The following TANGO6 variants were observed in gnomAD, a reference collection of about 807,000 sequenced individuals.
TANGO6 encodes the protein transport and Golgi organization protein 6 homolog.
TANGO6 carries 90 observed loss-of-function variants against 114.2 expected under a neutral mutation model. That is an observed-to-expected ratio of 0.79 (90% CI 0.66 to 0.94). TANGO6 has a LOEUF of 0.94. Ranked by LOEUF, TANGO6 falls within the 40% of genes least tolerant of loss-of-function variation. TANGO6 has a pLI of 0.00. For missense variants in TANGO6, 1,274 were observed against 1,315.3 expected (o/e 0.97, Z 0.49); for synonymous variants, 477 against 509.8 (o/e 0.94, Z 0.87).
intron 11 of TANGO6, among the ~76,000 whole-genome samples, chr16:68,915,035 G>T (rs1350206728): frequency 6.6e-6 from 1 of 150,690 alleles, no homozygotes; most frequent in Non-Finnish European, 1.5e-5. Context: ...AGTGGCTTAT[G>T]CTTGTTATCC....
chr16:68,997,235 C>A (rs1195720597), intron 15 of TANGO6, among the ~76,000 whole-genome samples: 3 of 152,072 alleles, frequency 2.0e-5, no homozygotes, highest in African/African-American at 7.2e-5. Context: ...AAGAGTGAGC[C>A]AACAGAGTAA....
intron 15 of TANGO6, among the ~76,000 whole-genome samples, 187 bp from the exon 16 acceptor site, chr16:69,022,641 C>A (rs1959427245): frequency 6.6e-6 from 1 of 151,860 alleles, no homozygotes; most frequent in African/African-American, 2.4e-5. Context: ...GAGGTCAAGG[C>A]TGCAGTGAGC....
chr16:68,955,351 T>C (rs1240809314), intron 14 of TANGO6, among the ~76,000 whole-genome samples: 2 of 152,200 alleles, frequency 1.3e-5, no homozygotes, highest in Non-Finnish European at 2.9e-5. Flanking sequence ...AGCAACCAAA[T>C]GGTTAAGCTA....
At chr16:69,054,940 C>CAAA (rs35840863) in intron 17 of TANGO6, among the ~76,000 whole-genome samples, 9 of 68,884 alleles carry the variant, frequency 1.3e-4, no homozygotes, top group South Asian at 6.4e-4. Flanking sequence ...GACTCCGTCT[C>CAAA]AAAAAAAAAA....
At chr16:68,980,431 A>AT (rs1202654361) in intron 15 of TANGO6, among the ~76,000 whole-genome samples, 119 of 75,920 alleles carry the variant, frequency 1.6e-3, no homozygotes, top group African/African-American at 5.4e-3. Flanking sequence ...ATATATATAT[A>AT]TATATTTTTT....
chr16:69,025,183 G>A (rs934094559), intron 16 of TANGO6, among the ~76,000 whole-genome samples: 2 of 152,242 alleles, frequency 1.3e-5, no homozygotes, highest in Non-Finnish European at 2.9e-5. Context: ...CAGCTCACCT[G>A]TGTTATAGCT....
At chr16:68,969,365 A>T (rs182329977) in intron 14 of TANGO6, among the ~76,000 whole-genome samples, 1 of 152,282 alleles carries the variant, frequency 6.6e-6, no homozygotes, top group Admixed American at 6.5e-5. Flanking sequence ...CAAGCACACA[A>T]AATCTCATCC....
At chr16:69,051,648 A>T (rs1959950226) in intron 17 of TANGO6, among the ~76,000 whole-genome samples, 1 of 152,076 alleles carries the variant, frequency 6.6e-6, no homozygotes, top group Non-Finnish European at 1.5e-5. Context: ...GTGCCATCGC[A>T]CTCCAGCCTA....
intron 1 of TANGO6, among the ~76,000 whole-genome samples, chr16:68,857,857 A>G (rs1249234363): frequency 6.6e-6 from 1 of 152,184 alleles, no homozygotes; most frequent in Non-Finnish European, 1.5e-5. Flanking sequence ...TTAAGTTTAG[A>G]TTAATGAGGG....
At chr16:68,886,513 T>C (rs1045270071) in intron 7 of TANGO6, among the ~76,000 whole-genome samples, 4 of 151,850 alleles carry the variant, frequency 2.6e-5, no homozygotes, top group African/African-American at 7.3e-5. Flanking sequence ...AGTCTCTCCA[T>C]ACTTTTTTTT....
At chr16:68,878,344 A>G in intron 6 of TANGO6, 64 bp downstream of exon 6, 1 of 1,500,740 alleles carries the variant, frequency 6.7e-7, no homozygotes, top group East Asian at 2.3e-5. Flanking sequence ...TTTCACGTTG[A>G]AATGATTTAA....
chr16:68,972,802 G>A lies in TANGO6; in HGVS notation c.2702-1226G>A, dbSNP rs563185108. On this transcript the variant is annotated intron_variant, in intron 14 of 17. Transcript: ENST00000261778. ...GAGTAAAGAGTGGCAGGGGAAGGAG[G>A]GTGCCGTTTTATATGTGACAAATGT... Among the ~76,000 whole-genome samples, 8 of 152,202 alleles carry A rather than the reference G, an allele frequency of 5.3e-5. No homozygotes were observed. The East Asian group carries it at 1.5e-3, about 29-fold the overall frequency.
intron 17 of TANGO6, among the ~76,000 whole-genome samples, chr16:69,061,637 A>G (rs1417527088): frequency 1.3e-5 from 2 of 152,182 alleles, no homozygotes; most frequent in Non-Finnish European, 2.9e-5. Flanking sequence ...CCTTTAGTTC[A>G]TCCCCTCTGG....
In TANGO6 at chr16:68,960,689, C is replaced by T. The variant is rs1169916915; in HGVS notation, c.2702-13339C>T. On this transcript the variant is annotated intron_variant, in intron 14 of 17. Transcript: ENST00000261778. ...CTAATTTTTGTATTTTTAGTAGAAA[C>T]GGGGTTTCACCATGTTGGCCAGGCT... Among the ~76,000 whole-genome samples the T allele has an allele frequency of 1.2e-4, 19 of 152,058 alleles. No homozygotes were observed. The South Asian group carries it at 3.5e-3, about 28-fold the overall frequency.
Position 68,928,083 on chromosome 16 carries a change from G to A in TANGO6, c.2643G>A (p.Lys881=), listed in dbSNP as rs1395301033. Residue 881 remains lysine (K), a splice_region_variant and synonymous_variant, in exon 13 of 18, where the codon AAG becomes AAA. Transcript: ENST00000261778. ...KALEMQEKLL[K]IFLENLEHED... is the part of the protein sequence containing the mutation. Reference sequence around the variant, plus strand: ...TTGAGATGCAAGAGAAGCTTCTCAAGGTGAGTAGAACACACTGTAAAGACA... The same window carrying A: ...TTGAGATGCAAGAGAAGCTTCTCAAAGTGAGTAGAACACACTGTAAAGACA... The A allele has an allele frequency of 1.3e-6, 2 of 1,571,996 alleles. No individual in the cohort carries two copies. Among genetic ancestry groups the A allele is most frequent in the East Asian group, 4.6e-5 (2 of 43,038 alleles).
intron 17 of TANGO6, among the ~76,000 whole-genome samples, chr16:69,045,096 CA>C (rs2152235503): frequency 6.8e-6 from 1 of 146,924 alleles, no homozygotes; most frequent in East Asian, 2.0e-4. Context: ...GCAAAGGTTA[CA>C]GTGAGCTGAG....
intron 5 of TANGO6, among the ~76,000 whole-genome samples, chr16:68,876,323 G>A (rs1000310005): frequency 4.0e-5 from 6 of 151,808 alleles, no homozygotes; most frequent in African/African-American, 7.3e-5. Context: ...CACCACACCC[G>A]GCTAATTTTG....
At position 68,909,337 on chromosome 16, in the gene TANGO6, G is replaced by A. The variant is rs1378118089; in HGVS notation, c.1927G>A (p.Val643Ile). 1.2e-6 allele frequency: 2 copies of A among 1,608,402 alleles called. No homozygotes were observed. Among genetic ancestry groups the A allele is most frequent in the Non-Finnish European group, 1.7e-6 (2 of 1,177,036 alleles). ...LVEGQERKLLVLQLMAVLCER... is the reference protein window; with the variant it reads ...LVEGQERKLLILQLMAVLCER... ...GGAAGGCCAAGAGCGGAAGCTGCTT[G>A]TCCTGCAGCTGATGGCTGTTCTGTG... is the stretch of plus-strand genomic sequence containing the variant. The change falls in exon 11 of 18, where the codon GTC becomes ATC. Residue 643 changes from valine to isoleucine, a missense_variant. Val to Ile is a conservative substitution (Grantham distance 29). Around this residue, in one of 5 missense-constraint regions of TANGO6, gnomAD observed 908 missense variants for 910.2 expected, o/e 1.00. Coordinates refer to ENST00000261778, the MANE Select transcript of TANGO6 (RefSeq NM_024562.2).
chr16:69,032,528 A>G (rs1597065496), intron 16 of TANGO6, among the ~76,000 whole-genome samples: 1 of 152,056 alleles, frequency 6.6e-6, no homozygotes, highest in South Asian at 2.1e-4. Context: ...TCAGCCTCCC[A>G]AAGTGCTAGG....
Sources: gnomAD v4.1 joint callset for allele counts (sites outside exome capture counted in the v4.1 genomes callset) on GRCh38, gnomAD v4.1.1 for gene constraint, gnomAD v4.1.1 regional missense constraint, MANE v1.5 for transcripts, NCBI Gene and HGNC (gene_info 2026-07-23, HGNC 2026-07-21) for gene names.